The following KLHL17 variants were observed in gnomAD, a reference collection of about 807,000 sequenced individuals.
KLHL17 encodes the protein kelch like family member 17.
Under a neutral mutation model 64.6 loss-of-function variants are expected in KLHL17, and 71 were observed. The observed-to-expected ratio is 1.10, with a 90% confidence interval of 0.91 to 1.34. The LOEUF (loss-of-function observed/expected upper bound fraction) is 1.34. Ranked by LOEUF, KLHL17 falls within the 40% of genes most tolerant of loss-of-function variation. The pLI is 0.00. For missense variants in KLHL17, 1,140 were observed against 935.0 expected, an observed-to-expected ratio of 1.22 and a Z score of -2.86; for synonymous variants, 612 against 405.4, an observed-to-expected ratio of 1.51 and a Z score of -6.12.
Position 965,315 on chromosome 1 carries a change from G to A in KLHL17, c.*124G>A, listed in dbSNP as rs1569998464. 1.3e-6 allele frequency: 1 copy of A among 774,350 alleles called. No homozygotes were observed. Among genetic ancestry groups the A allele is most frequent in the South Asian group, 1.8e-5 (1 of 54,418 alleles). The allele number at this position is 774,350 out of a possible 1,614,324, so 48.0% of individuals were successfully genotyped here. On this transcript the variant is annotated 3_prime_UTR_variant, in exon 12 of 12. Transcript: ENST00000338591. ...CATTCCTTCATGTCTTTATTTAGTT[G>A]TTTATTTATTTAGTTATTTATCTTA...
chr1:961,146 G>A (rs987773742), intron 1 of KLHL17, 147 bp from the exon 2 acceptor site: 5 of 453,488 alleles, frequency 1.1e-5, no homozygotes. Context: ...TCCGGGGCGG[G>A]GGTCCTTGGC....
rs147703918 is a variant in KLHL17 at position 962,773 on chromosome 1, C to A, written c.898C>A (p.Leu300Met). The change falls in exon 6 of 12, where the codon CTG becomes ATG. Residue 300 changes from leucine to methionine, a missense_variant. By Grantham distance (15) the Leu-to-Met change is conservative (BLOSUM62 2). Transcript: ENST00000338591. ...FLLGHVDAES[L>M]VRHHPDCKDL... ...GCTGGGCCACGTGGATGCCGAGAGC[C>A]TGGTGAGGCACCACCCTGACTGCAA... is the stretch of plus-strand genomic sequence containing the variant. The A allele has an allele frequency of 9.6e-4, 1,553 of 1,611,276 alleles. 7 individuals carry two copies. The highest frequency in any genetic ancestry group is 6.1e-3 in the South Asian group (552 of 91,052).
rs1240817156 is a variant in KLHL17 at position 964,204 on chromosome 1, C to T, written c.1518+24C>T. 4 of 1,611,768 alleles carry T rather than the reference C, an allele frequency of 2.5e-6. No homozygotes were observed. The South Asian group carries it at 3.3e-5, about 13-fold the overall frequency. On this transcript the variant is annotated intron_variant, in intron 10 of 11. Transcript: ENST00000338591. ...AGGTGCATAGTGCACCCCTCCTGGCCACCCCCTCCCGTGCGCCGCGGGGCC... is the reference window on the plus strand; with the variant it reads ...AGGTGCATAGTGCACCCCTCCTGGCTACCCCCTCCCGTGCGCCGCGGGGCC...
rs759811482 is a variant in KLHL17, at chr1:963,251, C to T, written c.1185C>T (p.Gly395=). Residue 395 remains glycine, a splice_region_variant and synonymous_variant, in exon 7 of 12, where the codon GGC becomes GGT. Coordinates refer to ENST00000338591, the MANE Select transcript of KLHL17 (RefSeq NM_198317.3). ...TGGGGAACCGGCTCTATGCTGTGGGCGGGTAAGCCTGGAGGCTGGACTTGG... is the reference window on the plus strand; with the variant it reads ...TGGGGAACCGGCTCTATGCTGTGGGTGGGTAAGCCTGGAGGCTGGACTTGG... ...AAVGNRLYAV[G]GYDGTSDLAT... 4.1e-5 allele frequency: 66 copies of T among 1,601,192 alleles called. No individual in the cohort carries two copies. The highest frequency in any genetic ancestry group is 5.4e-5 in the Non-Finnish European group (63 of 1,170,902).
chr1:964,130 G>T lies in KLHL17; in HGVS notation c.1468G>T (p.Gly490Cys). ...AGATGGGAACCTGTATGCTGTGGGCGGCTACGACAGCTCCTCACACCTGGC... is the reference window on the plus strand; with the variant it reads ...AGATGGGAACCTGTATGCTGTGGGCTGCTACGACAGCTCCTCACACCTGGC... ...TLDGNLYAVG[G>C]YDSSSHLATV... The change falls in exon 10 of 12, where the codon GGC (glycine) becomes TGC (cysteine). Residue 490 changes from glycine to cysteine, a missense_variant. Physicochemically the swap from Gly to Cys is radical, Grantham distance 159 (BLOSUM62 -3). Coordinates refer to ENST00000338591, the MANE Select transcript of KLHL17 (RefSeq NM_198317.3). 2.5e-6 allele frequency: 4 copies of T among 1,612,700 alleles called. No homozygotes were observed. The highest frequency in any genetic ancestry group is 3.4e-6 in the Non-Finnish European group (4 of 1,179,908).
intron 10 of KLHL17, 49 bp from the exon 11 acceptor site, chr1:964,300 G>A (rs1249670890): frequency 1.3e-6 from 2 of 1,581,190 alleles, no homozygotes; most frequent in Admixed American, 3.6e-5. Flanking sequence ...TGCGGCAGAG[G>A]AGGGATGCCA....
intron 5 of KLHL17, 60 bp from the exon 6 acceptor site, chr1:962,644 A>G (rs757046003): frequency 1.2e-4 from 184 of 1,535,536 alleles, no homozygotes; most frequent in Non-Finnish European, 1.5e-4. Context: ...GGGTTGTCTC[A>G]GCCCTGACGC....
At position 964,020 on chromosome 1, in the gene KLHL17, G is replaced by A; in HGVS notation, c.1444+12G>A. On this transcript the variant is annotated intron_variant, in intron 9 of 11. Coordinates refer to ENST00000338591, the MANE Select transcript of KLHL17 (RefSeq NM_198317.3). ...AGTGGCCACGCTTGGTGGGTGATGGGGCCTGCCTGGGGGGCATCCCCACCT... is the reference window on the plus strand; with the variant it reads ...AGTGGCCACGCTTGGTGGGTGATGGAGCCTGCCTGGGGGGCATCCCCACCT... The A allele has an allele frequency of 6.2e-7, 1 of 1,612,590 alleles. No individual in the cohort carries two copies. The highest frequency in any genetic ancestry group is 8.5e-7 in the Non-Finnish European group (1 of 1,179,904).
In KLHL17 at chr1:965,296, T is replaced by A; in HGVS notation, c.*105T>A. 1.2e-6 allele frequency: 1 copy of A among 838,708 alleles called. No homozygotes were observed. Among genetic ancestry groups the A allele is most frequent in the Non-Finnish European group, 1.8e-6 (1 of 540,854 alleles). 52.0% of individuals were successfully genotyped at this position (838,708 alleles called of 1,614,324 possible). On this transcript the variant is annotated 3_prime_UTR_variant, in exon 12 of 12. Transcript: ENST00000338591. ...CCGTTCACGTCTCTGCATCCATTCC[T>A]TCATGTCTTTATTTAGTTGTTTATT...
Position 965,312 on chromosome 1 carries a change from G to T in KLHL17, c.*121G>T. The stretch of plus-strand genomic sequence containing the variant: ...ATCCATTCCTTCATGTCTTTATTTA[G>T]TTGTTTATTTATTTAGTTATTTATC... On this transcript the variant is annotated 3_prime_UTR_variant, in exon 12 of 12. Coordinates refer to ENST00000338591, the MANE Select transcript of KLHL17 (RefSeq NM_198317.3). 1.3e-6 allele frequency: 1 copy of T among 784,118 alleles called. No individual in the cohort carries two copies. 48.6% of individuals were successfully genotyped at this position (784,118 alleles called of 1,614,324 possible).
In KLHL17 at chr1:962,018, G is replaced by C. The variant is rs774988881; in HGVS notation, c.682G>C (p.Glu228Gln). 3 of 1,612,834 alleles carry C rather than the reference G, an allele frequency of 1.9e-6. No individual in the cohort carries two copies. Among genetic ancestry groups the C allele is most frequent in the South Asian group, 1.1e-5 (1 of 91,080 alleles). The stretch of plus-strand genomic sequence containing the variant: ...GCACTTCGTGGACGTGGCCAAGACC[G>C]AGGAGTTTATGCTGCTGCCCCTGAA... ...LQHFVDVAKT[E>Q]EFMLLPLKQV... The change falls in exon 4 of 12, where the codon GAG becomes CAG. Residue 228 changes from glutamate to glutamine, a missense_variant. Transcript: ENST00000338591.
intron 7 of KLHL17, 40 bp from the exon 8 acceptor site, chr1:963,297 G>T: frequency 1.3e-6 from 2 of 1,599,240 alleles, no homozygotes; most frequent in Non-Finnish European, 1.7e-6. Flanking sequence ...GCACGTGCCC[G>T]CCAGGCCAGT....
At chr1:964,814 G>C (rs868833499) in intron 11 of KLHL17, 149 bp from the exon 12 acceptor site, 33 of 631,514 alleles carry the variant, frequency 5.2e-5, no homozygotes, top group Non-Finnish European at 7.6e-5. Flanking sequence ...CTGCCGGGAG[G>C]GGGGCGCGGG....
At position 961,841 on chromosome 1, in the gene KLHL17, G is replaced by C; in HGVS notation, c.505G>C (p.Ala169Pro). The change falls in exon 4 of 12, where the codon GCC becomes CCC. Residue 169 changes from alanine (A) to proline (P), a missense_variant. Physicochemically the swap from Ala to Pro is conservative, Grantham distance 27. Coordinates refer to ENST00000338591, the MANE Select transcript of KLHL17 (RefSeq NM_198317.3). ...TGCCCCGTAGACTCTGCTCCCAGCC[G>C]CCAGTCTCCTGCAGCTGAATGGCGT... ...EGNVQTLLPAASLLQLNGVRD... is the reference protein window; with the variant it reads ...EGNVQTLLPAPSLLQLNGVRD... 6.2e-7 allele frequency: 1 copy of C among 1,610,570 alleles called. No homozygotes were observed. Among genetic ancestry groups the C allele is most frequent in the East Asian group, 2.2e-5 (1 of 44,860 alleles).
intron 6 of KLHL17, 94 bp downstream of exon 6, chr1:963,011 C>T (rs759147179): frequency 7.2e-6 from 11 of 1,527,822 alleles, no homozygotes; most frequent in Non-Finnish European, 8.9e-6. Context: ...TCCTGACCTG[C>T]CCCTCCGCCC....
At chr1:962,639 G>T in intron 5 of KLHL17, 65 bp from the exon 6 acceptor site, 2 of 1,531,100 alleles carry the variant, frequency 1.3e-6, no homozygotes, top group Non-Finnish European at 1.7e-6. Context: ...CTGGGGGGTT[G>T]TCTCAGCCCT....
rs1230726329 is a variant in KLHL17, at chr1:964,518, T to G, written c.1688T>G (p.Met563Arg). 57 of 1,500,128 alleles carry G rather than the reference T, an allele frequency of 3.8e-5. No homozygotes were observed. Among genetic ancestry groups the G allele is most frequent in the Middle Eastern group, 1.7e-4 (1 of 5,772 alleles). The allele number at this position is 1,500,128 out of a possible 1,614,324, so 92.9% of individuals were successfully genotyped here. Residue 563 changes from methionine (M) to arginine (R), a missense_variant, in exon 11 of 12, where the codon ATG (methionine) becomes AGG (arginine). By Grantham distance (91) the Met-to-Arg change is moderately conservative. Coordinates refer to ENST00000338591, the MANE Select transcript of KLHL17 (RefSeq NM_198317.3). ...GGAGCCTGGGAAAGCGTGGCGCCCA[T>G]GAATATCCGCAGGTCCGCAGTGGGG... ...KAGAWESVAP[M>R]NIRRSTHDLV...
At position 961,760 on chromosome 1, in the gene KLHL17, C is replaced by T. The variant is rs1441096216; in HGVS notation, c.489+10C>T. 1.9e-6 allele frequency: 3 copies of T among 1,611,654 alleles called. No homozygotes were observed. The highest frequency in any genetic ancestry group is 4.5e-5 in the East Asian group (2 of 44,790). On this transcript the variant is annotated intron_variant, in intron 3 of 11. Transcript: ENST00000338591. ...CGAGGGCAATGTGCAGGTGAGGGCT[C>T]CCTCACCCGGATCCCGGTGTCCCCC...
At position 960,663 on chromosome 1, in the gene KLHL17, T is replaced by C; in HGVS notation, c.-31T>C. The C allele has an allele frequency of 7.4e-7, 1 of 1,348,338 alleles. No homozygotes were observed. 83.5% of individuals were successfully genotyped at this position (1,348,338 alleles called of 1,614,324 possible). ...CCGCGTCCGTTAAGCCCGCGGGTCCTCCGCGAATCGGCGGTGGGTCCGGCA... is the reference window on the plus strand; with the variant it reads ...CCGCGTCCGTTAAGCCCGCGGGTCCCCCGCGAATCGGCGGTGGGTCCGGCA... On this transcript the variant is annotated 5_prime_UTR_variant, in exon 1 of 12. Transcript: ENST00000338591.
Sources: allele counts gnomAD v4.1 joint callset, GRCh38; gene constraint gnomAD v4.1.1; transcripts MANE v1.5; gene names NCBI Gene and HGNC (gene_info 2026-07-23, HGNC 2026-07-21).